Variants in RGS11 observed in about 807,000 individuals in gnomAD.
RGS11 encodes regulator of G-protein signaling 11.
A neutral mutation model predicts 71.1 loss-of-function variants in RGS11; 86 were observed. That is an observed-to-expected ratio of 1.21 (90% confidence interval 1.02 to 1.45). RGS11 has a LOEUF of 1.45. Ranked by LOEUF, RGS11 falls within the 40% of genes most tolerant of loss-of-function variation. RGS11 has a pLI of 0.00. For synonymous variants in RGS11, 298 were observed against 254.2 expected (o/e 1.17, Z -1.64); for missense variants, 734 against 635.1 (o/e 1.16, Z -1.67).
chr16:272,385 A>C, intron 9 of RGS11: 1 of 1,292,112 alleles, frequency 7.7e-7, no homozygotes, highest in Non-Finnish European at 1.0e-6. Context: ...TTCTAGGTGC[A>C]TCTTTCCAGA....
chr16:273,908 G>T, intron 6 of RGS11, 72 bp from the exon 7 acceptor site: 1 of 1,510,976 alleles, frequency 6.6e-7, no homozygotes. Flanking sequence ...GCAGTTGGGG[G>T]GTTGGGGACT....
rs570272345 is a variant in RGS11, at chr16:270,298, C to T, written c.1206+225G>A. 6.6e-5 allele frequency among the ~76,000 whole-genome samples: 10 copies of T among 152,346 alleles called. No individual in the cohort carries two copies. In the South Asian group the frequency reaches 1.9e-3, roughly 28 times the overall value. On this transcript the variant is annotated intron_variant, in intron 15 of 16. Transcript: ENST00000397770. ...AGATCGAAGCTTGACCCTTATTAAGCATGTGATCTGGGCCAGTCCTTCAGC... is the reference window on the plus strand; with the variant it reads ...AGATCGAAGCTTGACCCTTATTAAGTATGTGATCTGGGCCAGTCCTTCAGC...
intron 4 of RGS11, 71 bp downstream of exon 4, chr16:274,905 C>G (rs1262341465): frequency 6.5e-7 from 1 of 1,542,858 alleles, no homozygotes; most frequent in East Asian, 2.4e-5. Flanking sequence ...CCTCCTGTCT[C>G]CCCGAGTTGG....
At chr16:274,468 C>A in intron 4 of RGS11, 1 of 620,490 alleles carries the variant, frequency 1.6e-6, no homozygotes, top group Non-Finnish European at 2.8e-6. Context: ...CTCCTTAGGG[C>A]CCTGTTCAGA....
intron 8 of RGS11, 59 bp from the exon 9 acceptor site, chr16:272,990 G>A: frequency 7.1e-7 from 1 of 1,407,464 alleles, no homozygotes; most frequent in South Asian, 1.5e-5. Flanking sequence ...CCCCCTTTAA[G>A]GCTAAGTTCC....
chr16:273,721 G>C (rs774771780), intron 7 of RGS11, 39 bp downstream of exon 7: 2 of 1,590,002 alleles, frequency 1.3e-6, no homozygotes, highest in African/African-American at 1.3e-5. Flanking sequence ...AGCCTGGGTT[G>C]GGCGCCTGCA....
At chr16:272,625 C>A in intron 9 of RGS11, 2 of 1,450,722 alleles carry the variant, frequency 1.4e-6, no homozygotes, top group Non-Finnish European at 1.8e-6. Flanking sequence ...GCCCCCTCGT[C>A]CCCACCACTC....
At chr16:275,657 AGGGCC>A in intron 1 of RGS11, 159 bp from the exon 2 acceptor site, 1 of 107,666 alleles carries the variant, frequency 9.3e-6, no homozygotes, top group Non-Finnish European at 1.5e-5. Context: ...CGGGCCGGGG[AGGGCC>A]GGGGAGGGCC....
intron 9 of RGS11, 42 bp downstream of exon 9, chr16:272,821 G>A (rs1393994541): frequency 1.3e-6 from 2 of 1,538,610 alleles, no homozygotes; most frequent in East Asian, 2.4e-5. Flanking sequence ...TGCAGCCGGT[G>A]TGCAGGGTGA....
intron 9 of RGS11, chr16:272,621 T>G: frequency 7.8e-7 from 1 of 1,281,080 alleles, no homozygotes; most frequent in Non-Finnish European, 1.0e-6. Flanking sequence ...GCCAGCCCCC[T>G]CGTCCCCACC....
In RGS11 at chr16:268,812, G is replaced by C. The variant is rs1288838219; in HGVS notation, c.*457C>G. 1 of 1,550,256 alleles carries C rather than the reference G, an allele frequency of 6.5e-7. No homozygotes were observed. ...GCGACAGCGGAGAGGCTCTTGGACG[G>C]GGCAGAGCTCGCGCCGAGACCTGCA... is the stretch of plus-strand genomic sequence containing the variant. On this transcript the variant is annotated 3_prime_UTR_variant, in exon 17 of 17. Transcript: ENST00000397770.
rs747667787 is a variant in RGS11 at position 273,511 on chromosome 16, G to A, written c.552C>T (p.Cys184=). Residue 184 remains cysteine (C), a synonymous_variant, in exon 8 of 17, where the codon TGC becomes TGT. Transcript: ENST00000397770. ...TCACCAGCCAGTAGGTCTGCTCCTG[G>A]CACGCAATGACCAGCCTGTCCCCCT... is the stretch of plus-strand genomic sequence containing the variant. The part of the protein sequence containing the change: ...RSKGDRLVIA[C]QEQTYWLVNR... 4.4e-5 allele frequency: 69 copies of A among 1,556,714 alleles called. No individual in the cohort carries two copies. Among genetic ancestry groups the A allele is most frequent in the Non-Finnish European group, 5.9e-5 (68 of 1,150,428 alleles).
At chr16:270,947 C>T (rs1019590123) in intron 13 of RGS11, 37 bp downstream of exon 13, 1 of 1,580,048 alleles carries the variant, frequency 6.3e-7, no homozygotes, top group East Asian at 2.2e-5. Flanking sequence ...CAGCAGCCTC[C>T]CCGCTGGGAC....
chr16:275,447 G>T lies in RGS11; in HGVS notation c.115C>A (p.Arg39=), dbSNP rs1240015874. 1.9e-6 allele frequency: 3 copies of T among 1,597,118 alleles called. No individual in the cohort carries two copies. Among genetic ancestry groups the T allele is most frequent in the Non-Finnish European group, 2.5e-6 (3 of 1,178,122 alleles). ...ACGGTGACCAGCAGGCGCTGGCTCC[G>T]CATCTTCACGCCCTGGTCGGGGTCC... ...MQDPDQGVKM[R]SQRLLVTVIP... Residue 39 remains arginine (R), a synonymous_variant, in exon 2 of 17, where the codon CGG becomes AGG. Coordinates refer to ENST00000397770, the MANE Select transcript of RGS11 (RefSeq NM_183337.3).
chr16:271,610 C>T lies in RGS11; in HGVS notation c.658-41G>A, dbSNP rs770637006. On this transcript the variant is annotated intron_variant, in intron 9 of 16. Transcript: ENST00000397770. ...TGGGCTGCAGTTAGATGCAGGTCCC[C>T]TGCTGGGGTCCAAAATCCCCAGCAG... The T allele has an allele frequency of 3.7e-6, 6 of 1,601,050 alleles. No homozygotes were observed. The African/African-American group carries it at 6.7e-5, about 18-fold the overall frequency.
rs993058106 is a variant in RGS11, at chr16:271,075, A to G, written c.888T>C (p.Arg296=). ...GGAAGCTGAAGCCCCATCTCTCCAC[A>G]CGGAGCTTCGTGGGGGCAGCCACCC... is the stretch of plus-strand genomic sequence containing the variant. ...APTVAAPTKL[R]VERWGFSFRE... is the part of the protein sequence containing the mutation. The change falls in exon 13 of 17, where the codon CGT becomes CGC. Residue 296 remains arginine (R), a synonymous_variant. Transcript: ENST00000397770. 1.9e-6 allele frequency: 3 copies of G among 1,610,542 alleles called. No homozygotes were observed. The highest frequency in any genetic ancestry group is 2.5e-6 in the Non-Finnish European group (3 of 1,178,750).
At chr16:271,630 C>T (rs2051945377) in intron 9 of RGS11, 61 bp from the exon 10 acceptor site, 1 of 1,540,802 alleles carries the variant, frequency 6.5e-7, no homozygotes, top group African/African-American at 1.4e-5. Flanking sequence ...CCAAAATCCC[C>T]AGCAGGAGGG....
Position 273,786 on chromosome 16 carries a change from C to A in RGS11, c.480G>T (p.Val160=). 6.2e-7 allele frequency: 1 copy of A among 1,613,146 alleles called. No individual in the cohort carries two copies. Among genetic ancestry groups the A allele is most frequent in the Non-Finnish European group, 8.5e-7 (1 of 1,179,988 alleles). The change falls in exon 7 of 17, where the codon GTG becomes GTT. Residue 160 remains valine (V), a synonymous_variant. Transcript: ENST00000397770. The part of the protein sequence containing the change: ...HKKINHAWDL[V]LMQAREQLRA... The stretch of plus-strand genomic sequence containing the variant: ...TCAGCTGCTCCCTCGCCTGCATCAG[C>A]ACCAGGTCCCATGCGTGGTTGATCT...
chr16:275,849 CT>C lies in RGS11; in HGVS notation c.62del (p.Lys21ArgfsTer7). Reference protein sequence around the residue: ...RPRAQMPHLRKMERVVVSMQD... With the variant: ...RPRAQMPHLRXMERVVVSMQD... ...GGCGGGACACCCACCCGCCTCGCACCTTCCTCAGATGCGGCATCTGCGCCCG... is the reference window on the plus strand; with the variant it reads ...GGCGGGACACCCACCCGCCTCGCACCTCCTCAGATGCGGCATCTGCGCCCG... On this transcript the variant is annotated frameshift_variant and splice_region_variant, in exon 1 of 17. Coordinates refer to ENST00000397770, the MANE Select transcript of RGS11 (RefSeq NM_183337.3). LOFTEE classifies it high-confidence loss of function. 1.9e-6 allele frequency: 2 copies of C among 1,070,646 alleles called. No homozygotes were observed. The highest frequency in any genetic ancestry group is 3.8e-5 in the South Asian group (1 of 26,398). The allele number at this position is 1,070,646 out of a possible 1,614,324, so 66.3% of individuals were successfully genotyped here.
Sources: allele counts gnomAD v4.1 joint callset (sites outside exome capture counted in the v4.1 genomes callset), GRCh38; gene constraint gnomAD v4.1.1; transcripts MANE v1.5; gene names NCBI Gene and HGNC (gene_info 2026-07-23, HGNC 2026-07-21).